CNTNAP2: variants seen among roughly 807,000 people sequenced by gnomAD.
CNTNAP2 encodes contactin-associated protein-like 2.
In CNTNAP2, 98 loss-of-function variants were observed where a neutral mutation model predicts 155.2. The observed-to-expected ratio is 0.63, with a 90% CI of 0.54 to 0.75. The LOEUF (loss-of-function observed/expected upper bound fraction) is 0.75. Ranked by LOEUF, CNTNAP2 falls within the 30% of genes least tolerant of loss-of-function variation. CNTNAP2 has a pLI of 0.00. For synonymous variants in CNTNAP2, 651 were observed against 631.2 expected (o/e 1.03, Z -0.47); for missense variants, 1,727 against 1,688.1 (o/e 1.02, Z -0.40).
At chr7:148,339,974 AGTGTGTGTGTGTGTGTGTGTGTGT>A (rs10603520) in intron 21 of CNTNAP2, among the ~76,000 whole-genome samples, 2 of 144,792 alleles carry the variant, frequency 1.4e-5, no homozygotes, top group Non-Finnish European at 1.5e-5. Flanking sequence ...TCCTTCGTGC[AGTGTGTGTGTGTGTGTGTGTGTGT>A]GTGTGTGTGT....
intron 3 of CNTNAP2, among the ~76,000 whole-genome samples, chr7:146,862,611 G>A (rs1795125291): frequency 6.6e-6 from 1 of 152,178 alleles, no homozygotes; most frequent in Non-Finnish European, 1.5e-5. Context: ...AAGGCATAAT[G>A]TTACTTGGCT....
At chr7:146,225,213 G>A (rs1040749145) in intron 1 of CNTNAP2, among the ~76,000 whole-genome samples, 12 of 152,028 alleles carry the variant, frequency 7.9e-5, no homozygotes, top group African/African-American at 2.4e-4. Flanking sequence ...AATATAACTC[G>A]AAACACTGAT....
chr7:146,784,644 C>G (rs143240552), intron 2 of CNTNAP2, among the ~76,000 whole-genome samples: 1 of 152,158 alleles, frequency 6.6e-6, no homozygotes, highest in East Asian at 1.9e-4. Flanking sequence ...GTTCAATTGC[C>G]AAAATTCCTC....
At chr7:146,965,016 C>A (rs1233748109) in intron 3 of CNTNAP2, among the ~76,000 whole-genome samples, 1 of 152,126 alleles carries the variant, frequency 6.6e-6, no homozygotes, top group Non-Finnish European at 1.5e-5. Context: ...TGGAGCTTAT[C>A]ATATGATATA....
At chr7:146,563,896 A>G (rs1798318071) in intron 1 of CNTNAP2, among the ~76,000 whole-genome samples, 1 of 152,118 alleles carries the variant, frequency 6.6e-6, no homozygotes, top group Non-Finnish European at 1.5e-5. Flanking sequence ...TCATTCAGAG[A>G]TGTTTGCCCA....
intron 13 of CNTNAP2, among the ~76,000 whole-genome samples, chr7:147,856,456 C>T (rs1045549353): frequency 6.6e-6 from 1 of 152,132 alleles, no homozygotes; most frequent in East Asian, 1.9e-4. Flanking sequence ...CCGAAACACC[C>T]TCCTCATAAC....
intron 16 of CNTNAP2, among the ~76,000 whole-genome samples, chr7:148,130,452 T>C (rs1484983281): frequency 6.6e-6 from 1 of 152,150 alleles, no homozygotes; most frequent in Non-Finnish European, 1.5e-5. Context: ...ATAATTTGAC[T>C]CCCTCACTCC....
chr7:146,363,431 A>G (rs150994971), intron 1 of CNTNAP2, among the ~76,000 whole-genome samples: 2 of 152,324 alleles, frequency 1.3e-5, no homozygotes, highest in African/African-American at 4.8e-5. Flanking sequence ...AACAGATTAT[A>G]TTTTTCAGAG....
chr7:147,029,685 G>T (rs62484000), intron 3 of CNTNAP2, among the ~76,000 whole-genome samples: 6,753 of 151,798 alleles, frequency 0.044, 183 homozygotes, highest in African/African-American at 0.067. Flanking sequence ...TCATCCAATA[G>T]ATAATAAAAA....
chr7:146,987,592 G>A (rs1181291615), intron 3 of CNTNAP2, among the ~76,000 whole-genome samples: 1 of 151,952 alleles, frequency 6.6e-6, no homozygotes, highest in African/African-American at 2.4e-5. Flanking sequence ...GATTTTTCTG[G>A]CCTCATTCTA....
At chr7:147,998,688 A>C (rs1167841403) in intron 15 of CNTNAP2, among the ~76,000 whole-genome samples, 1 of 151,676 alleles carries the variant, frequency 6.6e-6, no homozygotes, top group East Asian at 1.9e-4. Flanking sequence ...AAGAAGCAAA[A>C]GTTTCCTGTA....
At chr7:147,562,355 T>C in intron 12 of CNTNAP2, 98 bp downstream of exon 12, 1 of 1,436,948 alleles carries the variant, frequency 7.0e-7, no homozygotes, top group East Asian at 2.3e-5. Flanking sequence ...TATGTTTTTA[T>C]CACAACATCT....
intron 13 of CNTNAP2, among the ~76,000 whole-genome samples, chr7:147,737,533 A>C (rs1796875316): frequency 1.8e-5 from 2 of 112,040 alleles, no homozygotes; most frequent in South Asian, 6.6e-4. Flanking sequence ...GAGAACCACT[A>C]CTCTTCCAAG....
intron 1 of CNTNAP2, among the ~76,000 whole-genome samples, chr7:146,444,922 G>T (rs1796380352): frequency 6.6e-6 from 1 of 151,812 alleles, no homozygotes; most frequent in African/African-American, 2.4e-5. Flanking sequence ...CTCCCAAAAT[G>T]CTGGGATTAC....
chr7:146,545,570 T>C (rs1370444932), intron 1 of CNTNAP2, among the ~76,000 whole-genome samples: 4 of 151,860 alleles, frequency 2.6e-5, no homozygotes, highest in African/African-American at 9.7e-5. Context: ...CAACTCCCAC[T>C]TATGAGTGAG....
chr7:146,940,120 A>G (rs1797019119), intron 3 of CNTNAP2, among the ~76,000 whole-genome samples: 1 of 152,276 alleles, frequency 6.6e-6, no homozygotes, highest in African/African-American at 2.4e-5. Flanking sequence ...TATACTGCCT[A>G]TTTTTTAAAA....
chr7:146,723,199 C>A (rs1202524085), intron 1 of CNTNAP2, among the ~76,000 whole-genome samples: 1 of 152,014 alleles, frequency 6.6e-6, no homozygotes, highest in Non-Finnish European at 1.5e-5. Flanking sequence ...AATGGAGATA[C>A]AGTGAGAAGA....
chr7:147,061,304 A>G (rs556440435), intron 4 of CNTNAP2, among the ~76,000 whole-genome samples: 1 of 152,336 alleles, frequency 6.6e-6, no homozygotes, highest in Admixed American at 6.5e-5. Flanking sequence ...TAAAAAAATG[A>G]TTAGTCAAAA....
chr7:146,840,629 G>A (rs539690099), intron 3 of CNTNAP2, among the ~76,000 whole-genome samples: 1 of 152,094 alleles, frequency 6.6e-6, no homozygotes, highest in South Asian at 2.1e-4. Context: ...GAAAGGGAGA[G>A]GATGAAAGGG....
Sources: gnomAD v4.1 joint callset for allele counts (sites outside exome capture counted in the v4.1 genomes callset) on GRCh38, gnomAD v4.1.1 for gene constraint, MANE v1.5 for transcripts, NCBI Gene and HGNC (gene_info 2026-07-23, HGNC 2026-07-21) for gene names.